Variants in MDGA2 observed in about 807,000 individuals in gnomAD.
MDGA2 encodes the protein MAM domain-containing glycosylphosphatidylinositol anchor protein 2.
MDGA2 carries 40 observed loss-of-function variants against 117.8 expected under a neutral mutation model. The ratio of observed to expected loss-of-function variants is 0.34; its 90% CI spans 0.26 to 0.44. The LOEUF (loss-of-function observed/expected upper bound fraction) is 0.44, where lower values mean the gene tolerates loss of function less well. MDGA2 is among the 20% of genes least tolerant of loss of function. The pLI is 1.00. For missense variants in MDGA2, 1,123 were observed against 1,250.6 expected (o/e 0.90, Z 1.54); for synonymous variants, 452 against 439.0 (o/e 1.03, Z -0.37).
intron 2 of MDGA2, among the ~76,000 whole-genome samples, chr14:47,294,221 G>T (rs766722132): frequency 1.4e-5 from 2 of 145,882 alleles, no homozygotes; most frequent in Non-Finnish European, 3.0e-5. Context: ...TCAGCATCCC[G>T]ACTAGCTGGA....
At chr14:47,378,373 G>A (rs1315901255) in intron 1 of MDGA2, among the ~76,000 whole-genome samples, 3 of 152,236 alleles carry the variant, frequency 2.0e-5, no homozygotes, top group Non-Finnish European at 4.4e-5. Context: ...AATTTGATGA[G>A]TTGAGTGAAT....
At chr14:47,102,586 A>G (rs1021819587) in intron 5 of MDGA2, among the ~76,000 whole-genome samples, 16 of 152,254 alleles carry the variant, frequency 1.1e-4, no homozygotes, top group Admixed American at 1.0e-3. Flanking sequence ...AAGAAAAGCC[A>G]GTAAAGGGTC....
chr14:47,582,798 T>C (rs1896253413), intron 1 of MDGA2, among the ~76,000 whole-genome samples: 1 of 151,900 alleles, frequency 6.6e-6, no homozygotes, highest in South Asian at 2.1e-4. Context: ...AAAATTGTAC[T>C]TTATTCATCA....
intron 1 of MDGA2, among the ~76,000 whole-genome samples, chr14:47,459,175 C>A (rs1893427959): frequency 6.6e-6 from 1 of 150,900 alleles, no homozygotes; most frequent in Non-Finnish European, 1.5e-5. Context: ...TTCTTGATGT[C>A]TTTGAATTGT....
chr14:47,145,438 TG>T (rs776866176), intron 3 of MDGA2, among the ~76,000 whole-genome samples: 55 of 152,310 alleles, frequency 3.6e-4, no homozygotes, highest in Non-Finnish European at 6.3e-4. Context: ...TGCCAACCCC[TG>T]ATATGGCATA....
intron 1 of MDGA2, among the ~76,000 whole-genome samples, chr14:47,395,722 A>C (rs12586593): frequency 0.16 from 24,235 of 152,072 alleles, 2,520 homozygotes; most frequent in East Asian, 0.54. Flanking sequence ...AAACATATAC[A>C]TTTAGTAGGT....
chr14:47,378,634 G>T lies in MDGA2; in HGVS notation c.281-77084C>A, dbSNP rs577273910. On this transcript the variant is annotated intron_variant, in intron 1 of 16. Coordinates refer to ENST00000399232, the MANE Select transcript of MDGA2 (RefSeq NM_001113498.3). The stretch of plus-strand genomic sequence containing the variant: ...GGGTATCAGTGATTGAAGATCAAAT[G>T]AATGAAATGAAGTGAGAAGAGAAGT... 1.5e-3 allele frequency among the ~76,000 whole-genome samples: 224 copies of T among 152,152 alleles called. 1 individual carries two copies. The highest frequency in any genetic ancestry group is 5.3e-3 in the African/African-American group (219 of 41,524).
intron 1 of MDGA2, among the ~76,000 whole-genome samples, chr14:47,539,556 C>G (rs552299361): frequency 6.6e-6 from 1 of 152,246 alleles, no homozygotes; most frequent in African/African-American, 2.4e-5. Context: ...ATTTTAAGAC[C>G]TGATCATTTC....
At chr14:47,004,616 A>G (rs1159406879) in intron 8 of MDGA2, among the ~76,000 whole-genome samples, 1 of 151,840 alleles carries the variant, frequency 6.6e-6, no homozygotes, top group Non-Finnish European at 1.5e-5. Flanking sequence ...AACACAAAGA[A>G]AACTTCTAGA....
intron 1 of MDGA2, among the ~76,000 whole-genome samples, chr14:47,316,153 T>C (rs1186219727): frequency 6.6e-6 from 1 of 152,098 alleles, no homozygotes; most frequent in Non-Finnish European, 1.5e-5. Flanking sequence ...GCACTCATGT[T>C]ATATAATTCA....
At chr14:47,061,128 A>T in intron 7 of MDGA2, 121 bp downstream of exon 7, 1 of 797,588 alleles carries the variant, frequency 1.3e-6, no homozygotes, top group Non-Finnish European at 2.0e-6. Context: ...AGAACATTAT[A>T]ATTTTGTTTT....
At chr14:46,857,741 A>C (rs1041118305) in intron 14 of MDGA2, among the ~76,000 whole-genome samples, 2 of 152,046 alleles carry the variant, frequency 1.3e-5, no homozygotes, top group African/African-American at 2.4e-5. Flanking sequence ...AGCAGCCTCA[A>C]ACTCCTGGGC....
chr14:47,656,256 T>C (rs959418878), intron 1 of MDGA2, among the ~76,000 whole-genome samples: 3 of 152,194 alleles, frequency 2.0e-5, no homozygotes, highest in East Asian at 3.9e-4. Flanking sequence ...AAGTAAGCTA[T>C]ATGCAGAAAT....
intron 5 of MDGA2, among the ~76,000 whole-genome samples, chr14:47,107,978 A>G (rs1338057057): frequency 1.3e-5 from 2 of 148,266 alleles, no homozygotes; most frequent in African/African-American, 5.0e-5. Context: ...ATACAGTCTG[A>G]TAACAGACCA....
At chr14:47,549,343 A>ATCTCTCTCTCTCTCTCTCTC (rs3039661) in intron 1 of MDGA2, among the ~76,000 whole-genome samples, 4,440 of 140,008 alleles carry the variant, frequency 0.032, 133 homozygotes, top group Non-Finnish European at 0.042. Context: ...CACCAGTATT[A>ATCTCTCTCTCTCTCTCTCTC]TCTCTCTCTC....
intron 2 of MDGA2, among the ~76,000 whole-genome samples, chr14:47,252,260 A>G (rs1194082901): frequency 1.3e-5 from 2 of 152,188 alleles, no homozygotes; most frequent in African/African-American, 4.8e-5. Context: ...ATTGTTAACA[A>G]TAAGATAATC....
chr14:46,963,541 T>G (rs2097985734), intron 8 of MDGA2, among the ~76,000 whole-genome samples: 1 of 152,244 alleles, frequency 6.6e-6, no homozygotes, highest in African/African-American at 2.4e-5. Flanking sequence ...TGTTTCTACA[T>G]GACAAGTCTT....
At chr14:47,419,383 C>T (rs1892533933) in intron 1 of MDGA2, among the ~76,000 whole-genome samples, 2 of 151,964 alleles carry the variant, frequency 1.3e-5, no homozygotes, top group Non-Finnish European at 2.9e-5. Context: ...CTGATTGACC[C>T]ATGAGAAGTC....
At chr14:47,153,506 T>G (rs1883242156) in intron 3 of MDGA2, among the ~76,000 whole-genome samples, 1 of 151,978 alleles carries the variant, frequency 6.6e-6, no homozygotes, top group South Asian at 2.1e-4. Context: ...TGAGTTCTGT[T>G]TGGTTGACGC....
Sources: allele counts gnomAD v4.1 joint callset (sites outside exome capture counted in the v4.1 genomes callset), GRCh38; gene constraint gnomAD v4.1.1; transcripts MANE v1.5; gene names NCBI Gene and HGNC (gene_info 2026-07-23, HGNC 2026-07-21).